PRKCE: variants seen among roughly 807,000 people sequenced by gnomAD.
PRKCE encodes protein kinase C epsilon type.
Under a neutral mutation model 85.4 loss-of-function variants are expected in PRKCE, and 16 were observed. That is an observed-to-expected ratio of 0.19 (90% CI 0.13 to 0.28). The LOEUF (loss-of-function observed/expected upper bound fraction) is 0.28. PRKCE is among the 10% of genes least tolerant of loss of function. PRKCE has a pLI of 1.00. For synonymous variants in PRKCE, 388 were observed against 371.5 expected, an observed-to-expected ratio of 1.04 and a Z score of -0.51; for missense variants, 573 against 975.2, an observed-to-expected ratio of 0.59 and a Z score of 5.49.
At chr2:46,006,299 A>G (rs181047618) in intron 8 of PRKCE, among the ~76,000 whole-genome samples, 3 of 152,358 alleles carry the variant, frequency 2.0e-5, no homozygotes, top group Non-Finnish European at 1.5e-5. Context: ...TGAGGCTTTT[A>G]GCTCTATTGT....
intron 2 of PRKCE, among the ~76,000 whole-genome samples, chr2:45,848,599 C>G (rs565875802): frequency 4.9e-4 from 74 of 152,236 alleles, no homozygotes; most frequent in Non-Finnish European, 8.8e-4. Flanking sequence ...GTGTGAGTCA[C>G]TGCATCCAGG....
chr2:45,766,711 T>C (rs571416704), intron 1 of PRKCE, among the ~76,000 whole-genome samples: 1 of 152,330 alleles, frequency 6.6e-6, no homozygotes, highest in East Asian at 1.9e-4. Flanking sequence ...AGGTGCCTCT[T>C]CCACTCACAT....
At chr2:45,891,409 C>T (rs1695712195) in intron 2 of PRKCE, among the ~76,000 whole-genome samples, 1 of 152,198 alleles carries the variant, frequency 6.6e-6, no homozygotes, top group African/African-American at 2.4e-5. Context: ...ACAGGAAAGT[C>T]GGCCCAAGTT....
chr2:45,734,019 A>G (rs988518457), intron 1 of PRKCE, among the ~76,000 whole-genome samples: 1 of 152,174 alleles, frequency 6.6e-6, no homozygotes, highest in African/African-American at 2.4e-5. Context: ...AGGTGGCACC[A>G]TGTGGGCTGC....
In PRKCE at chr2:45,905,835, G is replaced by A. The variant is rs1696930248; in HGVS notation, c.412+62772G>A. Among the ~76,000 whole-genome samples, 1 of 152,260 alleles carries A rather than the reference G, an allele frequency of 6.6e-6. No individual in the cohort carries two copies. The highest frequency in any genetic ancestry group is 1.5e-5 in the Non-Finnish European group (1 of 68,050). ...CTCTGTACTCAGTTACAAATTGGGTGAGATGTGGCTCCCACAGTGGGAATA... is the reference window on the plus strand; with the variant it reads ...CTCTGTACTCAGTTACAAATTGGGTAAGATGTGGCTCCCACAGTGGGAATA... On this transcript the variant is annotated intron_variant, in intron 2 of 14. Transcript: ENST00000306156. This position sits in a 1 kb window ranked among gnomAD's most constrained non-coding sequence, Gnocchi z 4.4.
At chr2:45,792,616 C>T (rs555215021) in intron 1 of PRKCE, among the ~76,000 whole-genome samples, 8 of 152,214 alleles carry the variant, frequency 5.3e-5, no homozygotes, top group African/African-American at 1.9e-4. Context: ...TTTTACTGCT[C>T]ACTAACTGTG....
chr2:45,993,325 TC>T, intron 6 of PRKCE, among the ~76,000 whole-genome samples: 1 of 152,338 alleles, frequency 6.6e-6, no homozygotes, highest in East Asian at 1.9e-4. Context: ...TAACTGGAGC[TC>T]CCCTTCCTCA....
intron 1 of PRKCE, among the ~76,000 whole-genome samples, chr2:45,712,137 CTTTT>C (rs34233761): frequency 8.7e-5 from 4 of 45,796 alleles, no homozygotes; most frequent in Admixed American, 7.2e-4. Flanking sequence ...ACGGCCTGTC[CTTTT>C]TTTTTTTTTT....
At chr2:46,080,179 C>T (rs765597603) in intron 10 of PRKCE, among the ~76,000 whole-genome samples, 88 of 152,116 alleles carry the variant, frequency 5.8e-4, no homozygotes, top group Non-Finnish European at 2.1e-4. Flanking sequence ...ATTTCATTTA[C>T]GTAATTAAGC....
At chr2:45,963,791 G>C (rs998923130) in intron 2 of PRKCE, among the ~76,000 whole-genome samples, 1 of 152,202 alleles carries the variant, frequency 6.6e-6, no homozygotes, top group Non-Finnish European at 1.5e-5. Context: ...TCTTGGGAAA[G>C]ACCATTATTT....
At chr2:46,011,027 G>A in intron 10 of PRKCE, 2 of 1,130,926 alleles carry the variant, frequency 1.8e-6, no homozygotes, top group Non-Finnish European at 2.3e-6. Context: ...ATAGGTGTCT[G>A]GGAACCAGAA....
chr2:46,009,690 T>C (rs1465068081), intron 9 of PRKCE, among the ~76,000 whole-genome samples: 2 of 152,206 alleles, frequency 1.3e-5, no homozygotes, highest in Non-Finnish European at 2.9e-5. Context: ...GTTTTAATTG[T>C]GTACAAAAAT....
chr2:45,766,634 C>T (rs1684933306), intron 1 of PRKCE, among the ~76,000 whole-genome samples: 1 of 152,202 alleles, frequency 6.6e-6, no homozygotes, highest in South Asian at 2.1e-4. Flanking sequence ...TTAGGATGGC[C>T]TAATAGGCAG....
intron 11 of PRKCE, among the ~76,000 whole-genome samples, chr2:46,127,270 T>G (rs554350367): frequency 2.9e-4 from 44 of 152,340 alleles, no homozygotes; most frequent in Non-Finnish European, 4.1e-4. Flanking sequence ...TAATACAGTG[T>G]CCCGCACAGT....
chr2:46,024,253 A>G (rs913445863), intron 10 of PRKCE, among the ~76,000 whole-genome samples: 1 of 151,610 alleles, frequency 6.6e-6, no homozygotes, highest in Non-Finnish European at 1.5e-5. Flanking sequence ...TCTGAGTTGT[A>G]TTGGGAAAGC....
chr2:46,149,462 C>A (rs994482231), intron 12 of PRKCE, among the ~76,000 whole-genome samples: 1 of 152,186 alleles, frequency 6.6e-6, no homozygotes, highest in Non-Finnish European at 1.5e-5. Context: ...CCTAATCCCA[C>A]TCTAATAAGA....
chr2:45,734,653 G>T (rs1299571546), intron 1 of PRKCE, among the ~76,000 whole-genome samples: 2 of 152,202 alleles, frequency 1.3e-5, no homozygotes, highest in African/African-American at 4.8e-5. Flanking sequence ...GGCCTCTGTT[G>T]TGTGTTAAGA....
intron 2 of PRKCE, among the ~76,000 whole-genome samples, chr2:45,897,391 A>T (rs1696231383): frequency 6.6e-6 from 1 of 152,176 alleles, no homozygotes; most frequent in Non-Finnish European, 1.5e-5. Flanking sequence ...CGAACTTGGA[A>T]ATCAGGGCCC....
chr2:45,656,241 T>C (rs1416936987), intron 1 of PRKCE, among the ~76,000 whole-genome samples: 1 of 152,236 alleles, frequency 6.6e-6, no homozygotes, highest in Non-Finnish European at 1.5e-5. Context: ...GTTATAACTT[T>C]TCTTTGTTCA....
Sources: gnomAD v4.1 joint callset for allele counts (sites outside exome capture counted in the v4.1 genomes callset) on GRCh38, gnomAD v4.1.1 for gene constraint, Gnocchi (gnomAD v3.1) non-coding constraint, MANE v1.5 for transcripts, NCBI Gene and HGNC (gene_info 2026-07-23, HGNC 2026-07-21) for gene names.